Variants in MDM1 observed in about 807,000 individuals in gnomAD.
MDM1 encodes stabilizer of axonemal microtubules 6, also known as Mdm1 nuclear protein.
In MDM1, 61 loss-of-function variants were observed where a neutral mutation model predicts 89.1. The ratio of observed to expected loss-of-function variants is 0.68; its 90% CI spans 0.56 to 0.85. The LOEUF is 0.85. MDM1 is among the 40% of genes least tolerant of loss of function. The pLI is 0.00. For synonymous variants in MDM1, 290 were observed against 294.1 expected (o/e 0.99, Z 0.14); for missense variants, 820 against 846.5 (o/e 0.97, Z 0.39).
At chr12:68,310,337 A>G (rs1268833257) in intron 12 of MDM1, among the ~76,000 whole-genome samples, 2 of 152,250 alleles carry the variant, frequency 1.3e-5, no homozygotes, top group Admixed American at 6.5e-5. Flanking sequence ...AGTGAGACAG[A>G]GAATGGCATT....
chr12:68,327,528 A>G, intron 2 of MDM1: 2 of 1,532,726 alleles, frequency 1.3e-6, no homozygotes, highest in Admixed American at 2.0e-5. Context: ...TTAAAAAAGA[A>G]TAAGCCCTTT....
Position 68,321,521 on chromosome 12 carries a change from A to G in MDM1, c.905+4T>C. ...ATACCATATTTTCCTATTAAAATAC[A>G]TACCCAAGCCTTTGATGTTTCCAAG... On this transcript the variant is annotated splice_donor_region_variant and intron_variant, in intron 6 of 14. Coordinates refer to ENST00000682720, the MANE Select transcript of MDM1 (RefSeq NM_001354969.2). 3 of 1,611,692 alleles carry G rather than the reference A, an allele frequency of 1.9e-6. No homozygotes were observed. Among genetic ancestry groups the G allele is most frequent in the Non-Finnish European group, 2.5e-6 (3 of 1,178,574 alleles).
At chr12:68,330,580 C>T (rs2170100) in intron 2 of MDM1, 109,753 of 152,698 alleles carry the variant, frequency 0.72, 39,768 homozygotes, top group African/African-American at 0.77. Context: ...GGGCTGATTA[C>T]CCTTATCTTG....
intron 7 of MDM1, among the ~76,000 whole-genome samples, chr12:68,317,132 G>T (rs1874605100): frequency 6.6e-6 from 1 of 151,770 alleles, no homozygotes; most frequent in Admixed American, 6.6e-5. Flanking sequence ...GGATAAAAAA[G>T]TTCTGCTGAA....
At chr12:68,327,267 C>T (rs1169634823) in intron 2 of MDM1, 3 of 1,408,424 alleles carry the variant, frequency 2.1e-6, no homozygotes, top group Non-Finnish European at 2.8e-6. Flanking sequence ...ATCAGGGGGT[C>T]ACAAAATGTT....
At chr12:68,316,471 G>A in intron 8 of MDM1, 110 bp downstream of exon 8, 3 of 1,000,568 alleles carry the variant, frequency 3.0e-6, no homozygotes, top group Non-Finnish European at 4.4e-6. Flanking sequence ...CCAGCAGGCA[G>A]GGAGAAATTC....
chr12:68,328,957 C>G (rs1169226273), intron 2 of MDM1, among the ~76,000 whole-genome samples: 2 of 152,176 alleles, frequency 1.3e-5, no homozygotes, highest in Admixed American at 1.3e-4. Flanking sequence ...ATACCATGCT[C>G]TAAGGTGGCT....
intron 12 of MDM1, among the ~76,000 whole-genome samples, chr12:68,306,579 T>C (rs868773465): frequency 2.0e-5 from 3 of 152,016 alleles, no homozygotes; most frequent in African/African-American, 2.4e-5. Flanking sequence ...GCAAAGGACA[T>C]GAACAGACAC....
intron 7 of MDM1, among the ~76,000 whole-genome samples, chr12:68,318,799 A>T (rs911853264): frequency 1.3e-4 from 20 of 152,220 alleles, no homozygotes; most frequent in African/African-American, 4.3e-4. Flanking sequence ...TGATACAATT[A>T]TAAGTAGAAT....
chr12:68,321,108 A>T, intron 7 of MDM1: 1 of 369,822 alleles, frequency 2.7e-6, no homozygotes, highest in Non-Finnish European at 4.8e-6. Flanking sequence ...CAAATGTTTG[A>T]TGGTAAAAAG....
chr12:68,330,354 C>T (rs1313768404), intron 2 of MDM1, among the ~76,000 whole-genome samples: 3 of 152,090 alleles, frequency 2.0e-5, no homozygotes, highest in Admixed American at 6.5e-5. Context: ...TAACCAGTTA[C>T]GGGAAGAAGG....
chr12:68,320,507 A>C (rs145394969), intron 7 of MDM1, among the ~76,000 whole-genome samples: 1 of 152,358 alleles, frequency 6.6e-6, no homozygotes, highest in East Asian at 1.9e-4. Flanking sequence ...TCAAAGAACC[A>C]GCAGCTCAGC....
At chr12:68,300,820 G>A (rs1872049875) in intron 13 of MDM1, among the ~76,000 whole-genome samples, 1 of 152,172 alleles carries the variant, frequency 6.6e-6, no homozygotes, top group African/African-American at 2.4e-5. Flanking sequence ...GGACTTAACA[G>A]ATATTTACAA....
In MDM1 at chr12:68,331,225, T is replaced by A. The variant is rs1319577839; in HGVS notation, c.19-4A>T. 2 of 1,446,720 alleles carry A rather than the reference T, an allele frequency of 1.4e-6. No individual in the cohort carries two copies. The highest frequency in any genetic ancestry group is 1.9e-6 in the Non-Finnish European group (2 of 1,027,376). The allele number at this position is 1,446,720 out of a possible 1,614,324, so 89.6% of individuals were successfully genotyped here. A position where few individuals can be genotyped will look rare whatever the true frequency, so the allele number is the denominator to read the frequency against. On this transcript the variant is annotated splice_region_variant and splice_polypyrimidine_tract_variant and intron_variant, in intron 1 of 14. Coordinates refer to ENST00000682720, the MANE Select transcript of MDM1 (RefSeq NM_001354969.2). ...TCCTCTGGTATTCACTCAGCCCCTG[T>A]AATGCAAAGTACACTTTTGAGTACA...
At chr12:68,296,489 T>C (rs1871412325) in intron 14 of MDM1, among the ~76,000 whole-genome samples, 1 of 152,220 alleles carries the variant, frequency 6.6e-6, no homozygotes, top group Non-Finnish European at 1.5e-5. Context: ...AGAGCGAGAC[T>C]CCGTCTCAAA....
At chr12:68,325,753 A>G in intron 3 of MDM1, 178 bp from the exon 4 acceptor site, 3 of 1,246,710 alleles carry the variant, frequency 2.4e-6, no homozygotes, top group Non-Finnish European at 2.0e-6. Context: ...CAACTTATAA[A>G]TAGTATCTTT....
chr12:68,329,329 T>C (rs1876458378), intron 2 of MDM1, among the ~76,000 whole-genome samples: 1 of 152,196 alleles, frequency 6.6e-6, no homozygotes, highest in South Asian at 2.1e-4. Context: ...TTCCCTTTGT[T>C]CTCTAGACCA....
chr12:68,324,095 C>A (rs897875159), intron 4 of MDM1, among the ~76,000 whole-genome samples: 7 of 152,044 alleles, frequency 4.6e-5, no homozygotes, highest in Non-Finnish European at 8.8e-5. Context: ...TTTGAACTAA[C>A]CATGAGCATT....
At chr12:68,312,147 T>C (rs969857575) in intron 12 of MDM1, among the ~76,000 whole-genome samples, 1 of 152,078 alleles carries the variant, frequency 6.6e-6, no homozygotes, top group Non-Finnish European at 1.5e-5. Context: ...TTTCCTCCAG[T>C]CTCAATACTT....
Sources: allele counts gnomAD v4.1 joint callset (sites outside exome capture counted in the v4.1 genomes callset), GRCh38; gene constraint gnomAD v4.1.1; transcripts MANE v1.5; gene names NCBI Gene and HGNC (gene_info 2026-07-23, HGNC 2026-07-21).